Variants in RASGRF2 observed in about 807,000 individuals in gnomAD.
RASGRF2 encodes the protein ras-specific guanine nucleotide-releasing factor 2.
In RASGRF2, 76 loss-of-function variants were observed where a neutral mutation model predicts 151.0. The observed-to-expected ratio is 0.50, with a 90% CI of 0.42 to 0.61. The LOEUF is 0.61. Among genes scored for constraint, RASGRF2 ranks in the 20% least tolerant of loss-of-function variants. The probability of loss-of-function intolerance (pLI) is 0.00; values close to 1 mark genes in which losing one functional copy is unlikely to be tolerated. For missense variants in RASGRF2, 1,148 were observed against 1,564.6 expected (o/e 0.73, Z 4.49); for synonymous variants, 504 against 566.5 (o/e 0.89, Z 1.57).
At chr5:81,100,031 C>A (rs1028195512) in intron 12 of RASGRF2, among the ~76,000 whole-genome samples, 1 of 151,692 alleles carries the variant, frequency 6.6e-6, no homozygotes, top group Non-Finnish European at 1.5e-5. Context: ...CGTCAGCCTC[C>A]CGAGTAGCTG....
intron 9 of RASGRF2, among the ~76,000 whole-genome samples, chr5:81,091,651 C>CA (rs147183899): frequency 0.023 from 3,445 of 152,188 alleles, 125 homozygotes; most frequent in African/African-American, 0.067. Flanking sequence ...TTTTGTGACT[C>CA]ACAATCATAG....
chr5:81,141,652 TG>T (rs999476815), intron 17 of RASGRF2, among the ~76,000 whole-genome samples: 9 of 152,240 alleles, frequency 5.9e-5, no homozygotes, highest in African/African-American at 1.9e-4. Flanking sequence ...TGCCTTTCTC[TG>T]CAGCACGTCC....
chr5:81,165,566 C>G lies in RASGRF2; in HGVS notation c.2687-14609C>G, dbSNP rs528249584. Among the ~76,000 whole-genome samples the G allele has an allele frequency of 1.1e-3, 166 of 152,272 alleles. 1 individual carries two copies. The highest frequency in any genetic ancestry group is 2.9e-3 in the Admixed American group (45 of 15,296). On this transcript the variant is annotated intron_variant, in intron 17 of 26. Transcript: ENST00000265080. The stretch of plus-strand genomic sequence containing the variant: ...TCAGTATGGATCATCACAGGAAAAT[C>G]CATCTTTCAAAGAATTCTTTGGGAA...
At chr5:81,165,026 T>G (rs1754473322) in intron 17 of RASGRF2, among the ~76,000 whole-genome samples, 1 of 152,244 alleles carries the variant, frequency 6.6e-6, no homozygotes, top group Admixed American at 6.5e-5. Context: ...ATCCGCAGCC[T>G]GCCAGTGTGG....
intron 26 of RASGRF2, among the ~76,000 whole-genome samples, chr5:81,224,159 G>A (rs1755921946): frequency 6.6e-6 from 1 of 152,116 alleles, no homozygotes; most frequent in African/African-American, 2.4e-5. Context: ...CCTGTGAATA[G>A]TTAATTCATA....
intron 1 of RASGRF2, among the ~76,000 whole-genome samples, chr5:81,003,550 T>G (rs184174561): frequency 1.2e-3 from 180 of 152,230 alleles, no homozygotes; most frequent in Middle Eastern, 0.01. Flanking sequence ...TTAGTAGAGA[T>G]GGAGTTTTGC....
chr5:81,217,557 CTTTTTTTTTTTCTCTTCTTTTTTTTTTTT>C, intron 25 of RASGRF2, 84 bp downstream of exon 25: 1 of 426,448 alleles, frequency 2.3e-6, no homozygotes, highest in African/African-American at 2.7e-5. Flanking sequence ...TCAATGTCTG[CTTTTTTTTTTTCTCTTCTTTTTTTTTTTT>C]TTTTTTTTTT....
chr5:81,190,950 G>A (rs1755142206), intron 18 of RASGRF2, among the ~76,000 whole-genome samples: 1 of 152,190 alleles, frequency 6.6e-6, no homozygotes, highest in Non-Finnish European at 1.5e-5. Context: ...TCTTATCTCT[G>A]TTGTAAGAGT....
In RASGRF2 at chr5:80,969,815, C is replaced by CTTTT. The variant is rs10584906; in HGVS notation, c.288+8814_288+8817dup. 9.6e-3 allele frequency among the ~76,000 whole-genome samples: 736 copies of CTTTT among 76,944 alleles called. 53 individuals carry two copies. Among genetic ancestry groups the CTTTT allele is most frequent in the African/African-American group, 0.028 (419 of 14,814 alleles). The allele number at this position is 76,944 out of a possible 152,430, so 50.5% of individuals were successfully genotyped here. ...ACAGATGCCAATAATACTTCTTCTT[C>CTTTT]TTTTTTTTTTTTTTTTTTTTTTTTT... On this transcript the variant is annotated intron_variant, in intron 1 of 26. Transcript: ENST00000265080.
At chr5:81,022,516 G>A (rs890067292) in intron 1 of RASGRF2, among the ~76,000 whole-genome samples, 4 of 152,218 alleles carry the variant, frequency 2.6e-5, no homozygotes, top group Non-Finnish European at 4.4e-5. Flanking sequence ...CCTGAGGGAA[G>A]TGGCACTGAA....
At chr5:81,150,453 T>C (rs374342860) in intron 17 of RASGRF2, among the ~76,000 whole-genome samples, 1 of 152,202 alleles carries the variant, frequency 6.6e-6, no homozygotes, top group Admixed American at 6.5e-5. Context: ...TTATTGGCTG[T>C]TTCCTCCACT....
chr5:81,115,372 A>G (rs1341576748), intron 15 of RASGRF2, among the ~76,000 whole-genome samples: 1 of 152,210 alleles, frequency 6.6e-6, no homozygotes, highest in Non-Finnish European at 1.5e-5. Context: ...CAAAATCATG[A>G]TGGATTCTTA....
chr5:81,182,442 G>A (rs971636665), intron 18 of RASGRF2, among the ~76,000 whole-genome samples: 6 of 152,168 alleles, frequency 3.9e-5, no homozygotes, highest in Admixed American at 6.5e-5. Flanking sequence ...GTACACGACC[G>A]TGTGCAGGAC....
chr5:81,053,898 G>A (rs1177715130), intron 2 of RASGRF2, among the ~76,000 whole-genome samples: 4 of 152,170 alleles, frequency 2.6e-5, no homozygotes, highest in East Asian at 1.9e-4. Flanking sequence ...ATTTTTTCAT[G>A]TGTCTGTTGG....
chr5:81,198,821 C>T lies in RASGRF2; in HGVS notation c.2794-2509C>T, dbSNP rs577669646. On this transcript the variant is annotated intron_variant, in intron 18 of 26. Coordinates refer to ENST00000265080, the MANE Select transcript of RASGRF2 (RefSeq NM_006909.3). ...CTTTATCTAATGCACCGTTGATGGG[C>T]ACCTAGGTTGATTCTGTGTCTTTGC... Among the ~76,000 whole-genome samples, 97 of 152,304 alleles carry T rather than the reference C, an allele frequency of 6.4e-4. 1 individual carries two copies. Among genetic ancestry groups the T allele is most frequent in the African/African-American group, 2.3e-3 (95 of 41,564 alleles).
In RASGRF2 at chr5:81,228,843, A is replaced by G. The variant is rs1040221273; in HGVS notation, c.*3073A>G. 6.6e-6 allele frequency: 1 copy of G among 152,216 alleles called. No homozygotes were observed. The highest frequency in any genetic ancestry group is 2.4e-5 in the African/African-American group (1 of 41,458). The allele number at this position is 152,216 out of a possible 1,614,324, so 9.4% of individuals were successfully genotyped here. The stretch of plus-strand genomic sequence containing the variant: ...GACGGAATTTTAAACGGCCATTGCA[A>G]TATTTTCAAGTGGCTCTCATACCAA... On this transcript the variant is annotated 3_prime_UTR_variant, in exon 27 of 27. Transcript: ENST00000265080.
chr5:81,060,709 T>C (rs1343985443), intron 2 of RASGRF2, among the ~76,000 whole-genome samples: 1 of 152,194 alleles, frequency 6.6e-6, no homozygotes, highest in Non-Finnish European at 1.5e-5. Context: ...AAGAAGGAAA[T>C]CATGTTACTT....
intron 9 of RASGRF2, among the ~76,000 whole-genome samples, chr5:81,090,043 G>A (rs969373120): frequency 6.6e-6 from 1 of 152,134 alleles, no homozygotes; most frequent in African/African-American, 2.4e-5. Context: ...TGAAATATAG[G>A]TGACTGAATA....
At chr5:81,159,514 A>G (rs1754334613) in intron 17 of RASGRF2, among the ~76,000 whole-genome samples, 1 of 152,264 alleles carries the variant, frequency 6.6e-6, no homozygotes, top group Admixed American at 6.5e-5. Context: ...ATCCAGAAAC[A>G]GTAAATCTAT....
Sources: allele counts gnomAD v4.1 joint callset (sites outside exome capture counted in the v4.1 genomes callset), GRCh38; gene constraint gnomAD v4.1.1; transcripts MANE v1.5; gene names NCBI Gene and HGNC (gene_info 2026-07-23, HGNC 2026-07-21).